CDK3: variants seen among roughly 807,000 people sequenced by gnomAD.
CDK3 encodes cyclin-dependent kinase 3.
Under a neutral mutation model 30.2 loss-of-function variants are expected in CDK3, and 24 were observed. The observed-to-expected ratio is 0.79, with a 90% CI of 0.57 to 1.12. The LOEUF is 1.12. Among genes scored for constraint, CDK3 ranks in the 50% most tolerant of loss-of-function variants. CDK3 has a pLI of 0.00. For synonymous variants in CDK3, 158 were observed against 154.2 expected, an observed-to-expected ratio of 1.02 and a Z score of -0.18; for missense variants, 345 against 376.0, an observed-to-expected ratio of 0.92 and a Z score of 0.68.
chr17:76,004,089 A>G (rs2066286788), intron 7 of CDK3, among the ~76,000 whole-genome samples: 1 of 152,038 alleles, frequency 6.6e-6, no homozygotes, highest in Non-Finnish European at 1.5e-5. Flanking sequence ...TGACTCCTAC[A>G]GTGGTCAGTC....
At position 76,005,734 on chromosome 17, in the gene CDK3, CACCTGCCCTGCCTGCA is replaced by C; in HGVS notation, c.*312_*327del. 3 of 291,914 alleles carry C rather than the reference CACCTGCCCTGCCTGCA, an allele frequency of 1.0e-5. No homozygotes were observed. The highest frequency in any genetic ancestry group is 1.9e-5 in the Non-Finnish European group (3 of 155,682). 18.1% of individuals were successfully genotyped at this position (291,914 alleles called of 1,614,324 possible). ...AGCTGGGTGTGGGTATTCAGGCCCT[CACCTGCCCTGCCTGCA>C]GGGCCAGACCCTGAGGAAAGGGCGC... On this transcript the variant is annotated 3_prime_UTR_variant, in exon 8 of 8. Transcript: ENST00000448471. The surrounding 1 kb of genome is among the most constrained non-coding windows in gnomAD (Gnocchi z 4.7).
At chr17:76,003,136 T>A (rs1025150735) in intron 6 of CDK3, 59 bp from the exon 7 acceptor site, 6 of 1,408,126 alleles carry the variant, frequency 4.3e-6, no homozygotes, top group Non-Finnish European at 5.0e-6. Flanking sequence ...ACTTATCTGG[T>A]ATTGGATTCT....
chr17:76,000,889 GCC>G lies in CDK3; in HGVS notation c.-91_-90del. On this transcript the variant is annotated 5_prime_UTR_variant, in exon 1 of 8. Transcript: ENST00000448471. The surrounding 1 kb of genome is among the most constrained non-coding windows in gnomAD (Gnocchi z 5.9). ...TGACCCCTGACCTCTGCCCCCAGTG[GCC>G]CTGGCCCCTGGGCAGCCCTTCCTGG... 9.5e-7 allele frequency: 1 copy of G among 1,055,332 alleles called. No homozygotes were observed. The highest frequency in any genetic ancestry group is 1.7e-5 in the African/African-American group (1 of 58,410). 65.4% of individuals were successfully genotyped at this position (1,055,332 alleles called of 1,614,324 possible). A position where few individuals can be genotyped will look rare whatever the true frequency, so the allele number is the denominator to read the frequency against.
At position 76,001,374 on chromosome 17, in the gene CDK3, C is replaced by T. The variant is rs199931467; in HGVS notation, c.-14-38C>T. 1.1e-3 allele frequency: 1,819 copies of T among 1,612,570 alleles called. 13 individuals are homozygous for T. In the Middle Eastern group the frequency reaches 0.026, roughly 23 times the overall value. On this transcript the variant is annotated intron_variant, in intron 1 of 7. Coordinates refer to ENST00000448471, the MANE Select transcript of CDK3 (RefSeq NM_001258.4). This position sits in a 1 kb window ranked among gnomAD's most constrained non-coding sequence, Gnocchi z 6.2. ...CTGGAGGAGCAACGGGAGCGCTGGG[C>T]GTGGGGTGCAAATTGCCCGGTGCCT...
chr17:76,001,344 G>A lies in CDK3; in HGVS notation c.-14-68G>A. ...GGCTGGGCTGGGCAGGGCGCCACAT[G>A]GAAGCTGGAGGAGCAACGGGAGCGC... On this transcript the variant is annotated intron_variant, in intron 1 of 7. Transcript: ENST00000448471. This position sits in a 1 kb window ranked among gnomAD's most constrained non-coding sequence, Gnocchi z 6.2. 1 of 1,600,192 alleles carries A rather than the reference G, an allele frequency of 6.2e-7. No homozygotes were observed. Among genetic ancestry groups the A allele is most frequent in the Non-Finnish European group, 8.5e-7 (1 of 1,174,410 alleles).
Position 76,005,466 on chromosome 17 carries a change from G to A in CDK3, c.*43G>A. ...TCAGATCCTTTCTCGAGCAGCTGCTGCCCCAGCTGCCTCCTACCCATTGCC... is the reference window on the plus strand; with the variant it reads ...TCAGATCCTTTCTCGAGCAGCTGCTACCCCAGCTGCCTCCTACCCATTGCC... On this transcript the variant is annotated 3_prime_UTR_variant, in exon 8 of 8. Transcript: ENST00000448471. The surrounding 1 kb of genome is among the most constrained non-coding windows in gnomAD (Gnocchi z 4.7). The A allele has an allele frequency of 1.9e-6, 3 of 1,588,820 alleles. No homozygotes were observed. Among genetic ancestry groups the A allele is most frequent in the Non-Finnish European group, 1.7e-6 (2 of 1,163,536 alleles).
intron 7 of CDK3, among the ~76,000 whole-genome samples, chr17:76,004,864 A>AG (rs1283419495): frequency 1.3e-5 from 2 of 152,132 alleles, no homozygotes; most frequent in Non-Finnish European, 1.5e-5. Context: ...ACTCCACCAC[A>AG]GGGGGTCCTT....
In CDK3 at chr17:76,001,119, C is replaced by T; in HGVS notation, c.-15+152C>T. On this transcript the variant is annotated intron_variant, in intron 1 of 7. Transcript: ENST00000448471. This position sits in a 1 kb window ranked among gnomAD's most constrained non-coding sequence, Gnocchi z 6.2. ...GCTGGGTGGGAGAGTGTGGGCCCTGCCCTCCGAGGCCGGGCATGGGCGAGA... is the reference window on the plus strand; with the variant it reads ...GCTGGGTGGGAGAGTGTGGGCCCTGTCCTCCGAGGCCGGGCATGGGCGAGA... 8.1e-7 allele frequency: 1 copy of T among 1,233,118 alleles called. No homozygotes were observed. Among genetic ancestry groups the T allele is most frequent in the Non-Finnish European group, 1.0e-6 (1 of 973,804 alleles). The allele number at this position is 1,233,118 out of a possible 1,614,324, so 76.4% of individuals were successfully genotyped here.
chr17:76,002,712 GTGTT>G lies in CDK3; in HGVS notation c.588+103_588+106del. ...GCTCCCATTCGAGGCGGATTAAAGA[GTGTT>G]TGGGGCTGGACATGGCTCACGCCCG... is the stretch of plus-strand genomic sequence containing the variant. On this transcript the variant is annotated intron_variant, in intron 6 of 7. Coordinates refer to ENST00000448471, the MANE Select transcript of CDK3 (RefSeq NM_001258.4). The surrounding 1 kb of genome is among the most constrained non-coding windows in gnomAD (Gnocchi z 4.3). 3 of 716,016 alleles carry G rather than the reference GTGTT, an allele frequency of 4.2e-6. No homozygotes were observed. Among genetic ancestry groups the G allele is most frequent in the Non-Finnish European group, 5.1e-6 (2 of 389,336 alleles). 44.4% of individuals were successfully genotyped at this position (716,016 alleles called of 1,614,324 possible).
Position 76,001,399 on chromosome 17 carries a change from T to G in CDK3, c.-14-13T>G. ...CGTGGGGTGCAAATTGCCCGGTGCC[T>G]TCTGTTTCCCAGGCAGCTCTGTGGC... On this transcript the variant is annotated splice_polypyrimidine_tract_variant and intron_variant, in intron 1 of 7. Coordinates refer to ENST00000448471, the MANE Select transcript of CDK3 (RefSeq NM_001258.4). This position sits in a 1 kb window ranked among gnomAD's most constrained non-coding sequence, Gnocchi z 6.2. The G allele has an allele frequency of 6.2e-7, 1 of 1,613,840 alleles. No homozygotes were observed. Among genetic ancestry groups the G allele is most frequent in the East Asian group, 2.2e-5 (1 of 44,874 alleles).
rs2069536 is a variant in CDK3, at chr17:76,005,025, A to G, written c.793-273A>G. Among the ~76,000 whole-genome samples the G allele has an allele frequency of 0.81, 122,520 of 152,136 alleles. 49,938 individuals carry two copies. Among genetic ancestry groups the G allele is most frequent in the African/African-American group, 0.93 (38,579 of 41,528 alleles). ...ATACGTGGGGTTCTGTGCTCTTCCCAACTAGAAGCAGGCTGGGACCTGGGA... is the reference window on the plus strand; with the variant it reads ...ATACGTGGGGTTCTGTGCTCTTCCCGACTAGAAGCAGGCTGGGACCTGGGA... On this transcript the variant is annotated intron_variant, in intron 7 of 7. Coordinates refer to ENST00000448471, the MANE Select transcript of CDK3 (RefSeq NM_001258.4). The surrounding 1 kb of genome is among the most constrained non-coding windows in gnomAD (Gnocchi z 4.7).
rs1216116149 is a variant in CDK3 at position 76,003,016 on chromosome 17, T to A, written c.589-179T>A. On this transcript the variant is annotated intron_variant, in intron 6 of 7. Transcript: ENST00000448471. ...CGTCTCTATTTTTTAAAAAAAGGTG[T>A]TTGGTACTGGCTAAAGGACTGAGGA... The A allele has an allele frequency of 7.6e-6, 5 of 659,574 alleles. No homozygotes were observed. The Admixed American group carries it at 9.9e-5, about 13-fold the overall frequency. 40.9% of individuals were successfully genotyped at this position (659,574 alleles called of 1,614,324 possible). A position where few individuals can be genotyped will look rare whatever the true frequency, so the allele number is the denominator to read the frequency against.
chr17:76,003,368 TCTGGAG>T lies in CDK3; in HGVS notation c.764_769del (p.Leu255_Glu256del). 6.2e-7 allele frequency: 1 copy of T among 1,613,792 alleles called. No individual in the cohort carries two copies. The highest frequency in any genetic ancestry group is 8.5e-7 in the Non-Finnish European group (1 of 1,180,002). The stretch of plus-strand genomic sequence containing the variant: ...AGGGACTGGAAGAGATTGTGCCCAA[TCTGGAG>T]CCAGAGGGCAGGGACCTGCTCATGG... On this transcript the variant is annotated inframe_deletion, in exon 7 of 8. Coordinates refer to ENST00000448471, the MANE Select transcript of CDK3 (RefSeq NM_001258.4).
At chr17:76,004,599 A>G in intron 7 of CDK3, 1 of 152,252 alleles carries the variant, frequency 6.6e-6, no homozygotes, top group South Asian at 2.1e-4. Flanking sequence ...CGATCCTCCT[A>G]CCTTGGCCTC....
rs567509068 is a variant in CDK3 at position 76,002,814 on chromosome 17, C to T, written c.588+202C>T. Reference sequence around the variant, plus strand: ...AGGAGTTTGAGACCAGCCTGGGCAACGTAACAAATCCCCAGCTCTTAAAAA... The same window carrying T: ...AGGAGTTTGAGACCAGCCTGGGCAATGTAACAAATCCCCAGCTCTTAAAAA... On this transcript the variant is annotated intron_variant, in intron 6 of 7. Transcript: ENST00000448471. The surrounding 1 kb of genome is among the most constrained non-coding windows in gnomAD (Gnocchi z 4.3). 1.5e-4 allele frequency: 87 copies of T among 569,060 alleles called. No homozygotes were observed. The Admixed American group carries it at 1.6e-3, about 11-fold the overall frequency. 35.3% of individuals were successfully genotyped at this position (569,060 alleles called of 1,614,324 possible). A position where few individuals can be genotyped will look rare whatever the true frequency, so the allele number is the denominator to read the frequency against.
At chr17:76,004,217 C>CTTTTTTTTTTT (rs1305283662) in intron 7 of CDK3, among the ~76,000 whole-genome samples, 2 of 30,456 alleles carry the variant, frequency 6.6e-5, no homozygotes, top group African/African-American at 2.6e-4. Context: ...GCAGAACCGT[C>CTTTTTTTTTTT]TGTTTTTTTT....
rs1245106270 is a variant in CDK3 at position 76,001,958 on chromosome 17, T to TG, written c.194+11dup. On this transcript the variant is annotated splice_region_variant and intron_variant, in intron 3 of 7. Coordinates refer to ENST00000448471, the MANE Select transcript of CDK3 (RefSeq NM_001258.4). The surrounding 1 kb of genome is among the most constrained non-coding windows in gnomAD (Gnocchi z 6.2). Reference sequence around the variant, plus strand: ...AGCACCCCAACATCGTCCGGTGAGTTGGGGATTGAGGTGGGGAAGCTGGGA... The same window carrying TG: ...AGCACCCCAACATCGTCCGGTGAGTTGGGGGATTGAGGTGGGGAAGCTGGGA... 6.2e-7 allele frequency: 1 copy of TG among 1,613,664 alleles called. No individual in the cohort carries two copies. The highest frequency in any genetic ancestry group is 2.2e-5 in the East Asian group (1 of 44,830).
Position 76,001,697 on chromosome 17 carries a change from C to A in CDK3, c.116+156C>A. 1 of 883,864 alleles carries A rather than the reference C, an allele frequency of 1.1e-6. No homozygotes were observed. Among genetic ancestry groups the A allele is most frequent in the Non-Finnish European group, 1.7e-6 (1 of 580,136 alleles). 54.8% of individuals were successfully genotyped at this position (883,864 alleles called of 1,614,324 possible). Reference sequence around the variant, plus strand: ...CTCTCCCCAGTTCACTGCCTTCTGACCAGCCTTTGCCGGGGCCCTGACTGT... The same window carrying A: ...CTCTCCCCAGTTCACTGCCTTCTGAACAGCCTTTGCCGGGGCCCTGACTGT... On this transcript the variant is annotated intron_variant, in intron 2 of 7. Transcript: ENST00000448471. The surrounding 1 kb of genome is among the most constrained non-coding windows in gnomAD (Gnocchi z 6.2).
In CDK3 at chr17:76,001,459, G is replaced by C. The variant is rs2066258356; in HGVS notation, c.34G>C (p.Glu12Gln). 6.2e-7 allele frequency: 1 copy of C among 1,614,032 alleles called. No individual in the cohort carries two copies. The highest frequency in any genetic ancestry group is 1.7e-5 in the Admixed American group (1 of 60,002). ...DMFQKVEKIG[E>Q]GTYGVVYKAK... ...GTTCCAGAAGGTAGAGAAGATCGGA[G>C]AGGGCACCTATGGGGTGGTGTACAA... The change falls in exon 2 of 8, where the codon GAG (glutamate) becomes CAG (glutamine). Residue 12 changes from glutamate to glutamine, a missense_variant. Transcript: ENST00000448471. The surrounding 1 kb of genome is among the most constrained non-coding windows in gnomAD (Gnocchi z 6.2).
Sources: allele counts gnomAD v4.1 joint callset (sites outside exome capture counted in the v4.1 genomes callset), GRCh38; gene constraint gnomAD v4.1.1; non-coding constraint Gnocchi (gnomAD v3.1); transcripts MANE v1.5; gene names NCBI Gene and HGNC (gene_info 2026-07-23, HGNC 2026-07-21).